DCTN4: variants seen among roughly 807,000 people sequenced by gnomAD.
The protein encoded by DCTN4 is dynactin subunit 4.
DCTN4 carries 23 observed loss-of-function variants against 62.7 expected under a neutral mutation model. The observed-to-expected ratio is 0.37, with a 90% CI of 0.26 to 0.52. The LOEUF is 0.52. Among genes scored for constraint, DCTN4 ranks in the 20% least tolerant of loss-of-function variants. DCTN4 has a pLI of 0.92. For synonymous variants in DCTN4, 199 were observed against 202.1 expected (o/e 0.98, Z 0.13); for missense variants, 514 against 580.4 (o/e 0.89, Z 1.18).
Position 150,715,556 on chromosome 5 carries a change from A to AT in DCTN4, c.1169+8dup, listed in dbSNP as rs1759723769. On this transcript the variant is annotated intron_variant, in intron 12 of 12. Transcript: ENST00000447998. ...TTTGTTGTATGGGGATCACAAAAAG[A>AT]TCACTCACTCAGGATCGTCCTGAAA... The AT allele has an allele frequency of 6.2e-7, 1 of 1,611,848 alleles. No homozygotes were observed. The highest frequency in any genetic ancestry group is 8.5e-7 in the Non-Finnish European group (1 of 1,177,928).
At chr5:150,744,671 T>G (rs905185050) in intron 3 of DCTN4, among the ~76,000 whole-genome samples, 3 of 151,668 alleles carry the variant, frequency 2.0e-5, no homozygotes, top group African/African-American at 7.3e-5. Context: ...CAACCCAGAA[T>G]TTCATATCCA....
intron 12 of DCTN4, among the ~76,000 whole-genome samples, chr5:150,712,430 T>C (rs1210923897): frequency 1.3e-5 from 2 of 151,110 alleles, no homozygotes; most frequent in Admixed American, 1.3e-4. Flanking sequence ...GCACCCGGCC[T>C]TATTTTTATT....
chr5:150,724,174 T>A (rs1238058069), intron 8 of DCTN4, among the ~76,000 whole-genome samples: 2 of 152,224 alleles, frequency 1.3e-5, no homozygotes, highest in African/African-American at 2.4e-5. Context: ...TAATTTTTTT[T>A]AATTTTTCAT....
chr5:150,752,918 G>C (rs1561711540), intron 3 of DCTN4, among the ~76,000 whole-genome samples: 2 of 151,366 alleles, frequency 1.3e-5, no homozygotes. Flanking sequence ...CCAGGCTGGA[G>C]TGCAGAGGCC....
chr5:150,758,933 G>C lies in DCTN4; in HGVS notation c.61C>G (p.Arg21Gly), dbSNP rs201475591. The change falls in exon 1 of 13, where the codon CGG (arginine) becomes GGG (glycine). Residue 21 changes from arginine to glycine, a missense_variant. Transcript: ENST00000447998. ...LYLVQGEKKV[R>G]APLSQLYFCR... Reference sequence around the variant, plus strand: ...AAGTAGAGTTGCGAGAGCGGGGCCCGAACCTTCTTTTCTCCCTGGACTAGA... The same window carrying C: ...AAGTAGAGTTGCGAGAGCGGGGCCCCAACCTTCTTTTCTCCCTGGACTAGA... 1.8e-4 allele frequency: 292 copies of C among 1,613,986 alleles called. No homozygotes were observed. Among genetic ancestry groups the C allele is most frequent in the Middle Eastern group, 3.3e-4 (2 of 6,084 alleles).
chr5:150,727,407 T>C (rs530033194), intron 8 of DCTN4, among the ~76,000 whole-genome samples: 4 of 152,278 alleles, frequency 2.6e-5, no homozygotes, highest in Non-Finnish European at 4.4e-5. Flanking sequence ...TAGTATAACA[T>C]ACTATTTTAA....
At chr5:150,727,707 C>T (rs1002645652) in intron 8 of DCTN4, among the ~76,000 whole-genome samples, 2 of 131,732 alleles carry the variant, frequency 1.5e-5, no homozygotes, top group African/African-American at 5.8e-5. Context: ...ACCCGGGAGG[C>T]GGAGCTTGCA....
intron 1 of DCTN4, among the ~76,000 whole-genome samples, 163 bp from the exon 2 acceptor site, chr5:150,756,650 TTC>T (rs1491206483): frequency 1.2e-4 from 17 of 142,298 alleles, no homozygotes; most frequent in Non-Finnish European, 3.1e-5. Context: ...TTTTTTTTTT[TTC>T]TTCTTCTTCC....
rs1021991661 is a variant in DCTN4, at chr5:150,733,400, G to A, written c.505C>T (p.Arg169Ter). Reference protein sequence around the residue: ...KVERDRKKLARRRNYMPLAFS... With the variant: ...KVERDRKKLA ...GCCAGAGGCATATAGTTTCTACGTCGTGCCAGTTTCTTGCGATCTCGCTCA... is the reference window on the plus strand; with the variant it reads ...GCCAGAGGCATATAGTTTCTACGTCATGCCAGTTTCTTGCGATCTCGCTCA... The change falls in exon 5 of 13, where the codon CGA becomes TGA. Residue 169 changes from arginine to a stop codon, truncating the protein, a stop_gained. Coordinates refer to ENST00000447998, the MANE Select transcript of DCTN4 (RefSeq NM_016221.4). LOFTEE classifies it high-confidence loss of function. 3 of 1,613,828 alleles carry A rather than the reference G, an allele frequency of 1.9e-6. No homozygotes were observed. The highest frequency in any genetic ancestry group is 1.3e-5 in the African/African-American group (1 of 74,904).
At chr5:150,735,591 T>C (rs1048238265) in intron 4 of DCTN4, among the ~76,000 whole-genome samples, 1 of 152,154 alleles carries the variant, frequency 6.6e-6, no homozygotes, top group Non-Finnish European at 1.5e-5. Flanking sequence ...AGTCCAGCTC[T>C]CAGGAAGCCA....
At chr5:150,745,823 C>A (rs1760941733) in intron 3 of DCTN4, among the ~76,000 whole-genome samples, 1 of 151,772 alleles carries the variant, frequency 6.6e-6, no homozygotes, top group African/African-American at 2.4e-5. Context: ...GCACTAAATG[C>A]CCACAAGAGA....
At position 150,708,554 on chromosome 5, in the gene DCTN4, A is replaced by G. The variant is rs1759454176; in HGVS notation, c.*2595T>C. The G allele has an allele frequency of 6.6e-6, 1 of 152,664 alleles. No individual in the cohort carries two copies. The highest frequency in any genetic ancestry group is 6.5e-5 in the Admixed American group (1 of 15,286). 9.5% of individuals were successfully genotyped at this position (152,664 alleles called of 1,614,324 possible). On this transcript the variant is annotated 3_prime_UTR_variant, in exon 13 of 13. Transcript: ENST00000447998. The stretch of plus-strand genomic sequence containing the variant: ...TAATGGTTCTGTGAATATGTATATA[A>G]GAAGCTCAAAGCAACATCTACTTAT...
chr5:150,758,551 A>G (rs1752946433), intron 1 of DCTN4: 1 of 1,066,176 alleles, frequency 9.4e-7, no homozygotes, highest in South Asian at 3.4e-5. Flanking sequence ...TGAACTAAGC[A>G]CCCCCAGACC....
At chr5:150,729,554 G>T (rs1357622926) in intron 8 of DCTN4, among the ~76,000 whole-genome samples, 1 of 149,066 alleles carries the variant, frequency 6.7e-6, no homozygotes, top group African/African-American at 2.5e-5. Flanking sequence ...AAAAGATAAA[G>T]ACATTAAAAA....
At chr5:150,724,674 A>C (rs552763134) in intron 8 of DCTN4, among the ~76,000 whole-genome samples, 174 of 152,276 alleles carry the variant, frequency 1.1e-3, no homozygotes, top group African/African-American at 4.0e-3. Context: ...AGCAAAATAT[A>C]ATTGCCTATT....
At chr5:150,742,675 A>T (rs1437589745) in intron 3 of DCTN4, 1 of 155,550 alleles carries the variant, frequency 6.4e-6, no homozygotes, top group African/African-American at 2.4e-5. Flanking sequence ...AGAAAACTGA[A>T]AGTACTGAAA....
At chr5:150,711,491 C>T in intron 12 of DCTN4, 129 bp from the exon 13 acceptor site, 1 of 727,654 alleles carries the variant, frequency 1.4e-6, no homozygotes, top group Non-Finnish European at 2.2e-6. Flanking sequence ...ACACTTTGTT[C>T]TTAACCTACC....
At chr5:150,731,394 G>A (rs1760362879) in intron 6 of DCTN4, 22 bp downstream of exon 6, 1 of 1,604,248 alleles carries the variant, frequency 6.2e-7, no homozygotes, top group Non-Finnish European at 8.5e-7. Context: ...TCTCCTCAAA[G>A]TCATTTCATG....
chr5:150,757,977 T>C, intron 1 of DCTN4: 5 of 765,176 alleles, frequency 6.5e-6, no homozygotes, highest in Non-Finnish European at 7.9e-6. Flanking sequence ...AAAAAAAGTA[T>C]CCACTTAAAT....
Sources: allele counts gnomAD v4.1 joint callset (sites outside exome capture counted in the v4.1 genomes callset), GRCh38; gene constraint gnomAD v4.1.1; transcripts MANE v1.5; gene names NCBI Gene and HGNC (gene_info 2026-07-23, HGNC 2026-07-21).